Variants in FAM120B observed in about 807,000 individuals in gnomAD.
The protein encoded by FAM120B is constitutive coactivator of peroxisome proliferator-activated receptor gamma.
A neutral mutation model predicts 96.3 loss-of-function variants in FAM120B; 83 were observed. The observed-to-expected ratio is 0.86, with a 90% CI of 0.72 to 1.03. The LOEUF (loss-of-function observed/expected upper bound fraction) is 1.03, where lower values mean the gene tolerates loss of function less well. Ranked by LOEUF, FAM120B falls within the 50% of genes least tolerant of loss-of-function variation. The pLI, the probability that FAM120B is intolerant of heterozygous loss-of-function variation, is 0.00. For missense variants in FAM120B, 1,027 were observed against 1,121.2 expected (o/e 0.92, Z 1.20); for synonymous variants, 407 against 402.7 (o/e 1.01, Z -0.13).
At chr6:170,314,411 G>A (rs1469559678) in intron 1 of FAM120B, among the ~76,000 whole-genome samples, 3 of 152,296 alleles carry the variant, frequency 2.0e-5, no homozygotes, top group African/African-American at 7.2e-5. Context: ...CTAGGTGCTG[G>A]AATAAGACAG....
chr6:170,357,348 T>C (rs1788017850), intron 5 of FAM120B, among the ~76,000 whole-genome samples: 2 of 152,080 alleles, frequency 1.3e-5, no homozygotes. Context: ...CACCGTCTGC[T>C]CTTGATGGGG....
chr6:170,333,940 T>G (rs1440098550), intron 4 of FAM120B, among the ~76,000 whole-genome samples: 1 of 152,226 alleles, frequency 6.6e-6, no homozygotes, highest in Non-Finnish European at 1.5e-5. Context: ...GTCCTTGATG[T>G]GTGCATGTGT....
chr6:170,322,988 T>C, intron 2 of FAM120B, 91 bp from the exon 3 acceptor site: 1 of 1,067,224 alleles, frequency 9.4e-7, no homozygotes, highest in South Asian at 1.8e-5. Flanking sequence ...CTTAAAAAAC[T>C]GGCATATGAT....
chr6:170,358,010 G>A (rs983102356), intron 5 of FAM120B, among the ~76,000 whole-genome samples: 1 of 151,970 alleles, frequency 6.6e-6, no homozygotes, highest in African/African-American at 2.4e-5. Flanking sequence ...GTGTACATGT[G>A]TGCCCATGTG....
At position 170,318,761 on chromosome 6, in the gene FAM120B, C is replaced by G; in HGVS notation, c.1371C>G (p.Pro457=). 1.9e-6 allele frequency: 3 copies of G among 1,613,072 alleles called. No homozygotes were observed. Among genetic ancestry groups the G allele is most frequent in the Non-Finnish European group, 2.5e-6 (3 of 1,179,716 alleles). ...TTCCCATGTATACAGGCTCTGAACC[C>G]AGGCAAGAAGTTCCCATGTATACAG... The part of the protein sequence containing the change: ...QEVPMYTGSE[P]RQEVPMYTGP... The change falls in exon 2 of 11, where the codon CCC becomes CCG. Residue 457 remains proline, a synonymous_variant. Transcript: ENST00000476287.
chr6:170,318,293 G>A lies in FAM120B; in HGVS notation c.903G>A (p.Met301Ile), dbSNP rs776484465. Residue 301 changes from methionine (M) to isoleucine (I), a missense_variant, in exon 2 of 11, where the codon ATG (methionine) becomes ATA (isoleucine). Met to Ile is a conservative substitution (Grantham distance 10). Around this residue, in one of 3 missense-constraint regions of FAM120B, gnomAD observed 880 missense variants for 980.9 expected, o/e 0.90. Coordinates refer to ENST00000476287, the MANE Select transcript of FAM120B (RefSeq NM_032448.3). Reference protein sequence around the residue: ...GPNKALFYKGMASYLLPGQKS... With the variant: ...GPNKALFYKGIASYLLPGQKS... ...ACAAAGCTCTTTTTTATAAAGGAAT[G>A]GCATCATATCTTTTACCAGGACAAA... is the stretch of plus-strand genomic sequence containing the variant. 5.4e-5 allele frequency: 87 copies of A among 1,614,026 alleles called. 1 individual carries two copies. The highest frequency in any genetic ancestry group is 6.9e-5 in the Non-Finnish European group (82 of 1,180,024).
chr6:170,385,893 T>A (rs1325678310), intron 6 of FAM120B, among the ~76,000 whole-genome samples: 1 of 152,164 alleles, frequency 6.6e-6, no homozygotes, highest in Admixed American at 6.5e-5. Context: ...CTGCCTACTG[T>A]CTGATTCCAG....
Position 170,317,734 on chromosome 6 carries a change from T to C in FAM120B, c.344T>C (p.Ile115Thr), listed in dbSNP as rs1223324864. The C allele has an allele frequency of 6.2e-7, 1 of 1,613,966 alleles. No homozygotes were observed. Among genetic ancestry groups the C allele is most frequent in the Admixed American group, 1.7e-5 (1 of 59,986 alleles). ...AAGAACAACAGGGAGATATCCAGGA[T>C]TTTTCATTACATCAAGTCACACAAG... ...RLKNNREISR[I>T]FHYIKSHKEQ... The change falls in exon 2 of 11, where the codon ATT (isoleucine) becomes ACT (threonine). Residue 115 changes from isoleucine (I) to threonine (T), a missense_variant. Physicochemically the swap from Ile to Thr is moderately conservative, Grantham distance 89 (BLOSUM62 -1). Transcript: ENST00000476287.
At chr6:170,373,939 A>G (rs1347266514) in intron 6 of FAM120B, among the ~76,000 whole-genome samples, 2 of 152,218 alleles carry the variant, frequency 1.3e-5, no homozygotes, top group Non-Finnish European at 2.9e-5. Flanking sequence ...CCCCAGCACC[A>G]ACATGGTGCT....
chr6:170,402,017 C>T (rs1318694013), intron 9 of FAM120B, among the ~76,000 whole-genome samples: 1 of 152,258 alleles, frequency 6.6e-6, no homozygotes, highest in African/African-American at 2.4e-5. Flanking sequence ...ACTCCCTGCG[C>T]CCTGGGCTCT....
chr6:170,314,114 T>G (rs1489750636), intron 1 of FAM120B, among the ~76,000 whole-genome samples: 1 of 152,256 alleles, frequency 6.6e-6, no homozygotes, highest in African/African-American at 2.4e-5. Flanking sequence ...GGTAACTCAA[T>G]ACCCTGGGAC....
At chr6:170,387,244 C>T (rs1362913861) in intron 6 of FAM120B, among the ~76,000 whole-genome samples, 5 of 152,176 alleles carry the variant, frequency 3.3e-5, no homozygotes, top group African/African-American at 7.2e-5. Context: ...GATTAACTCT[C>T]GGATAATCTC....
intron 5 of FAM120B, 85 bp from the exon 6 acceptor site, chr6:170,358,141 C>A: frequency 8.4e-7 from 1 of 1,197,560 alleles, no homozygotes; most frequent in Non-Finnish European, 1.2e-6. Flanking sequence ...TATACACACA[C>A]TCATAGTTAA....
chr6:170,342,276 A>G (rs1786889823), intron 4 of FAM120B, among the ~76,000 whole-genome samples: 1 of 152,192 alleles, frequency 6.6e-6, no homozygotes, highest in Non-Finnish European at 1.5e-5. Flanking sequence ...AGCTTTCACA[A>G]ATGATCTGAG....
intron 8 of FAM120B, among the ~76,000 whole-genome samples, chr6:170,392,867 C>G (rs1224945722): frequency 1.3e-5 from 2 of 152,244 alleles, no homozygotes; most frequent in African/African-American, 4.8e-5. Flanking sequence ...GCTTTTTCTA[C>G]TGTTCCCAAT....
chr6:170,304,533 C>A (rs1784212334), upstream of FAM120B, among the ~76,000 whole-genome samples: 2 of 151,878 alleles, frequency 1.3e-5, no homozygotes. Context: ...TTTCACATGT[C>A]ACATTTGTGT....
intron 5 of FAM120B, among the ~76,000 whole-genome samples, chr6:170,350,214 C>T (rs1787483637): frequency 6.6e-6 from 1 of 152,224 alleles, no homozygotes; most frequent in South Asian, 2.1e-4. Flanking sequence ...CAAACGGCAT[C>T]ATTCTGCAGG....
upstream of FAM120B, among the ~76,000 whole-genome samples, chr6:170,293,517 G>A (rs536566042): frequency 2.0e-5 from 3 of 152,158 alleles, no homozygotes; most frequent in African/African-American, 7.2e-5. Context: ...GCGGCAAAGC[G>A]GAACTGAAAG....
chr6:170,363,634 G>A lies in FAM120B; in HGVS notation c.2283+5316G>A, dbSNP rs1788599470. ...CAGTTTTTACTTTATTTTGATTACAGGATCATAACAATAAAGTAATTCTGG... is the reference window on the plus strand; with the variant it reads ...CAGTTTTTACTTTATTTTGATTACAAGATCATAACAATAAAGTAATTCTGG... On this transcript the variant is annotated intron_variant, in intron 6 of 10. Transcript: ENST00000476287. This position sits in a 1 kb window ranked among gnomAD's most constrained non-coding sequence, Gnocchi z 4.5. Among the ~76,000 whole-genome samples, 1 of 152,222 alleles carries A rather than the reference G, an allele frequency of 6.6e-6. No homozygotes were observed. The highest frequency in any genetic ancestry group is 2.4e-5 in the African/African-American group (1 of 41,452).
Sources: allele counts gnomAD v4.1 joint callset (sites outside exome capture counted in the v4.1 genomes callset), GRCh38; gene constraint gnomAD v4.1.1; regional missense constraint gnomAD v4.1.1; non-coding constraint Gnocchi (gnomAD v3.1); transcripts MANE v1.5; gene names NCBI Gene and HGNC (gene_info 2026-07-23, HGNC 2026-07-21).